ZNF521: variants seen among roughly 807,000 people sequenced by gnomAD.
The protein encoded by ZNF521 is zinc finger protein 521.
ZNF521 carries 14 observed loss-of-function variants against 105.5 expected under a neutral mutation model. That is an observed-to-expected ratio of 0.13 (90% CI 0.09 to 0.21). The LOEUF is 0.21. Ranked by LOEUF, ZNF521 falls within the 10% of genes least tolerant of loss-of-function variation. The pLI is 1.00. For missense variants in ZNF521, 1,233 were observed against 1,629.7 expected (o/e 0.76, Z 4.19); for synonymous variants, 635 against 606.0 (o/e 1.05, Z -0.70).
intron 3 of ZNF521, among the ~76,000 whole-genome samples, chr18:25,280,417 A>T (rs1910291244): frequency 6.7e-6 from 1 of 150,150 alleles, no homozygotes; most frequent in East Asian, 1.9e-4. Context: ...GGGATGTAAA[A>T]AATTAAAAAA....
chr18:25,295,176 G>T (rs1229440977), intron 3 of ZNF521, among the ~76,000 whole-genome samples: 1 of 151,938 alleles, frequency 6.6e-6, no homozygotes, highest in African/African-American at 2.4e-5. Context: ...TTCTTTTATT[G>T]TTATCACACC....
intron 7 of ZNF521, chr18:25,082,596 G>A (rs181128436): frequency 1.9e-4 from 86 of 441,386 alleles, no homozygotes; most frequent in East Asian, 1.5e-3. Flanking sequence ...AGCACTTTGG[G>A]AGGCCAAGGC....
At chr18:25,257,704 A>C (rs1252149448) in intron 3 of ZNF521, among the ~76,000 whole-genome samples, 1 of 152,126 alleles carries the variant, frequency 6.6e-6, no homozygotes, top group Non-Finnish European at 1.5e-5. Flanking sequence ...TTCATTTTCC[A>C]ACCTATCAGA....
chr18:25,064,748 C>A (rs925002182), intron 7 of ZNF521, among the ~76,000 whole-genome samples: 2 of 152,066 alleles, frequency 1.3e-5, no homozygotes, highest in Admixed American at 1.3e-4. Flanking sequence ...CAGAAGTTGG[C>A]GGGGGGCTGG....
intron 4 of ZNF521, among the ~76,000 whole-genome samples, chr18:25,206,734 C>A (rs544841065): frequency 1.3e-5 from 2 of 152,158 alleles, no homozygotes; most frequent in South Asian, 2.1e-4. Context: ...CTCATCCATC[C>A]ATTCCACTTG....
intron 5 of ZNF521, among the ~76,000 whole-genome samples, chr18:25,108,369 G>A (rs1001160230): frequency 2.0e-5 from 3 of 151,964 alleles, no homozygotes; most frequent in Non-Finnish European, 4.4e-5. Context: ...TGTTTTTGGG[G>A]TTACACAAAC....
intron 2 of ZNF521, among the ~76,000 whole-genome samples, chr18:25,339,060 A>C (rs1914054404): frequency 6.6e-6 from 1 of 152,232 alleles, no homozygotes; most frequent in African/African-American, 2.4e-5. Flanking sequence ...CCAGGCCCAC[A>C]ATTAAAATAT....
intron 2 of ZNF521, among the ~76,000 whole-genome samples, chr18:25,328,021 C>T (rs1057071385): frequency 5.3e-5 from 8 of 152,112 alleles, no homozygotes; most frequent in African/African-American, 1.7e-4. Flanking sequence ...TCTGTGGTCA[C>T]GGATAAGAAT....
At chr18:25,090,841 T>C (rs1187376866) in intron 6 of ZNF521, among the ~76,000 whole-genome samples, 1 of 152,210 alleles carries the variant, frequency 6.6e-6, no homozygotes, top group African/African-American at 2.4e-5. Context: ...TCGTTGTATG[T>C]TAGGATATAT....
At chr18:25,299,438 T>C (rs1911503308) in intron 3 of ZNF521, among the ~76,000 whole-genome samples, 1 of 152,142 alleles carries the variant, frequency 6.6e-6, no homozygotes, top group Non-Finnish European at 1.5e-5. Context: ...CAAACAGAAT[T>C]AGAAAATTCA....
intron 5 of ZNF521, among the ~76,000 whole-genome samples, chr18:25,174,053 G>C (rs984564885): frequency 1.3e-5 from 2 of 152,104 alleles, no homozygotes; most frequent in Admixed American, 1.3e-4. Flanking sequence ...TTATGTTTTG[G>C]AAGTGATCAC....
Position 25,297,363 on chromosome 18 carries a change from G to A in ZNF521, c.220+24645C>T, listed in dbSNP as rs201311333. On this transcript the variant is annotated intron_variant, in intron 3 of 7. Coordinates refer to ENST00000361524, the MANE Select transcript of ZNF521 (RefSeq NM_015461.3). ...TGTGCTAATCAGAAGGTCTGTGACA[G>A]CTTGCACAAAATCAATTCACAATAT... Among the ~76,000 whole-genome samples the A allele has an allele frequency of 7.3e-4, 111 of 152,240 alleles. 2 individuals carry two copies. In the South Asian group the frequency reaches 0.011, roughly 15 times the overall value.
intron 5 of ZNF521, among the ~76,000 whole-genome samples, chr18:25,183,479 T>C (rs1323164191): frequency 2.0e-5 from 3 of 152,158 alleles, no homozygotes; most frequent in Admixed American, 6.6e-5. Flanking sequence ...TGTGAATCTG[T>C]TGAACTCATT....
chr18:25,290,488 T>C (rs545304512), intron 3 of ZNF521, among the ~76,000 whole-genome samples: 1 of 152,258 alleles, frequency 6.6e-6, no homozygotes, highest in East Asian at 1.9e-4. Context: ...GAGTACTGAC[T>C]GCAAATGAGT....
In ZNF521 at chr18:25,155,065, T is replaced by C. The variant is rs1402939972; in HGVS notation, c.3658+40095A>G. 4.6e-5 allele frequency among the ~76,000 whole-genome samples: 7 copies of C among 152,188 alleles called. No individual in the cohort carries two copies. In the South Asian group the frequency reaches 1.4e-3, roughly 32 times the overall value. ...CATCAACATTTGTGATATCTTGTCG[T>C]TTAGTAATTGCTATCCTACCAGGTG... On this transcript the variant is annotated intron_variant, in intron 5 of 7. Coordinates refer to ENST00000361524, the MANE Select transcript of ZNF521 (RefSeq NM_015461.3).
At chr18:25,329,750 G>T (rs1913446016) in intron 2 of ZNF521, among the ~76,000 whole-genome samples, 1 of 152,194 alleles carries the variant, frequency 6.6e-6, no homozygotes, top group Admixed American at 6.5e-5. Context: ...ATTTTAAGTA[G>T]GGGAGTGAAT....
intron 5 of ZNF521, among the ~76,000 whole-genome samples, chr18:25,173,290 A>T (rs186667704): frequency 6.6e-6 from 1 of 152,190 alleles, no homozygotes; most frequent in Admixed American, 6.5e-5. Context: ...TGAGCCCCCA[A>T]GGAGGCCAAA....
chr18:25,109,372 T>G (rs994557739), intron 5 of ZNF521, among the ~76,000 whole-genome samples: 1 of 152,208 alleles, frequency 6.6e-6, no homozygotes, highest in Non-Finnish European at 1.5e-5. Context: ...GGCATTTAGG[T>G]TGATTCCATT....
chr18:25,193,595 T>TC (rs1291010314), intron 5 of ZNF521, among the ~76,000 whole-genome samples: 1 of 151,994 alleles, frequency 6.6e-6, no homozygotes, highest in East Asian at 1.9e-4. Flanking sequence ...TGGCAGGAAT[T>TC]CATTTTTTCT....
Sources: allele counts gnomAD v4.1 joint callset (sites outside exome capture counted in the v4.1 genomes callset), GRCh38; gene constraint gnomAD v4.1.1; transcripts MANE v1.5; gene names NCBI Gene and HGNC (gene_info 2026-07-23, HGNC 2026-07-21).